Variants in CYYR1 observed in about 807,000 individuals in gnomAD.
The protein encoded by CYYR1 is cysteine and tyrosine-rich protein 1.
CYYR1 carries 14 observed loss-of-function variants against 15.2 expected under a neutral mutation model. The observed-to-expected ratio is 0.92, with a 90% CI of 0.61 to 1.44. The LOEUF (loss-of-function observed/expected upper bound fraction) is 1.44, where lower values mean the gene tolerates loss of function less well. Ranked by LOEUF, CYYR1 falls within the 40% of genes most tolerant of loss-of-function variation. The pLI, the probability that CYYR1 is intolerant of heterozygous loss-of-function variation, is 0.00. For missense variants in CYYR1, 228 were observed against 209.5 expected (o/e 1.09, Z -0.54); for synonymous variants, 80 against 77.4 (o/e 1.03, Z -0.18).
intron 3 of CYYR1, chr21:26,478,068 G>A (rs2123390528): frequency 6.5e-7 from 1 of 1,549,430 alleles, no homozygotes; most frequent in Middle Eastern, 1.7e-4. Context: ...ACCAGGCCTG[G>A]TCTTACATGC....
At chr21:26,564,778 T>C (rs1980490628) in intron 2 of CYYR1, 1 of 1,245,046 alleles carries the variant, frequency 8.0e-7, no homozygotes, top group South Asian at 1.4e-5. Context: ...TCAGTTTGAC[T>C]TCACATTCTC....
chr21:26,473,894 T>C (rs927899517), intron 3 of CYYR1, among the ~76,000 whole-genome samples: 6 of 152,200 alleles, frequency 3.9e-5, no homozygotes, highest in African/African-American at 1.4e-4. Flanking sequence ...TTCTTTTTCT[T>C]CCACATCCTA....
At chr21:26,558,270 G>A (rs1979941774) in intron 2 of CYYR1, among the ~76,000 whole-genome samples, 1 of 152,008 alleles carries the variant, frequency 6.6e-6, no homozygotes, top group Non-Finnish European at 1.5e-5. Context: ...AAACATATAA[G>A]AATCATAGAT....
At chr21:26,560,213 T>C (rs1381875936) in intron 2 of CYYR1, among the ~76,000 whole-genome samples, 1 of 152,246 alleles carries the variant, frequency 6.6e-6, no homozygotes, top group Admixed American at 6.5e-5. Flanking sequence ...TATTGTATTT[T>C]AGATTTATTT....
At chr21:26,533,995 G>A (rs1400136575) in intron 2 of CYYR1, among the ~76,000 whole-genome samples, 3 of 152,102 alleles carry the variant, frequency 2.0e-5, no homozygotes, top group African/African-American at 4.8e-5. Flanking sequence ...CACAGAAACA[G>A]AGCACCAAGC....
chr21:26,528,549 C>T (rs145241394), intron 2 of CYYR1, among the ~76,000 whole-genome samples: 9 of 152,266 alleles, frequency 5.9e-5, no homozygotes, highest in African/African-American at 2.2e-4. Flanking sequence ...CTTCCTGAGG[C>T]CCTCGTCAGA....
At chr21:26,567,173 C>A (rs1980689340) in intron 1 of CYYR1, among the ~76,000 whole-genome samples, 1 of 152,078 alleles carries the variant, frequency 6.6e-6, no homozygotes, top group South Asian at 2.1e-4. Flanking sequence ...CATTTGGTGA[C>A]TTTTTTTTAC....
At chr21:26,552,190 C>T (rs1979441804) in intron 2 of CYYR1, 1 of 152,156 alleles carries the variant, frequency 6.6e-6, no homozygotes, top group African/African-American at 2.4e-5. Context: ...GTATAAACAA[C>T]TTTATATGTA....
intron 2 of CYYR1, among the ~76,000 whole-genome samples, chr21:26,561,320 T>A (rs1980182452): frequency 6.6e-6 from 1 of 152,064 alleles, no homozygotes; most frequent in Non-Finnish European, 1.5e-5. Flanking sequence ...ATGGTTTTTT[T>A]TTTTTTTACT....
Position 26,538,059 on chromosome 21 carries a change from C to T in CYYR1, c.176+28207G>A, listed in dbSNP as rs567215333. Among the ~76,000 whole-genome samples the T allele has an allele frequency of 3.3e-5, 5 of 152,282 alleles. No individual in the cohort carries two copies. In the East Asian group the frequency reaches 7.7e-4, roughly 24 times the overall value. On this transcript the variant is annotated intron_variant, in intron 2 of 3. Transcript: ENST00000652641. ...GGACTAAGACAGTGAGCAAGAGTAG[C>T]GATCACCACGGAGATGAGCCTTCAT...
At chr21:26,572,695 G>A (rs1464242824) in intron 1 of CYYR1, among the ~76,000 whole-genome samples, 173 bp downstream of exon 1, 2 of 152,212 alleles carry the variant, frequency 1.3e-5, no homozygotes, top group Non-Finnish European at 2.9e-5. Context: ...ACAAAACCGC[G>A]TGCGGCTGGA....
chr21:26,549,244 T>G (rs1193694470), intron 2 of CYYR1, among the ~76,000 whole-genome samples: 1 of 152,152 alleles, frequency 6.6e-6, no homozygotes, highest in African/African-American at 2.4e-5. Context: ...ACAATAAATT[T>G]TGGGGTTCTG....
intron 2 of CYYR1, among the ~76,000 whole-genome samples, chr21:26,519,114 AT>A (rs1351523397): frequency 6.6e-6 from 1 of 152,234 alleles, no homozygotes; most frequent in Non-Finnish European, 1.5e-5. Context: ...CTATTCATTC[AT>A]TTGATTCAAC....
At position 26,566,341 on chromosome 21, in the gene CYYR1, T is replaced by A. The variant is rs144123365; in HGVS notation, c.101A>T (p.Asp34Val). The stretch of plus-strand genomic sequence containing the variant: ...TCCATCACAGCAGTAAGATTTGCAA[T>A]CTTTGCCACACTGAGCAAGGCAATC... ...ADDCLAQCGK[D>V]CKSYCCDGTT... Residue 34 changes from aspartate to valine, a missense_variant, in exon 2 of 4, where the codon GAT becomes GTT. Transcript: ENST00000652641. 7.3e-5 allele frequency: 117 copies of A among 1,613,706 alleles called. No individual in the cohort carries two copies. Among genetic ancestry groups the A allele is most frequent in the Non-Finnish European group, 9.7e-5 (114 of 1,179,816 alleles).
At chr21:26,550,409 T>C (rs189958192) in intron 2 of CYYR1, 1 of 152,142 alleles carries the variant, frequency 6.6e-6, no homozygotes, top group East Asian at 1.9e-4. Context: ...AAAGGAAGTG[T>C]AAAATGGTTT....
intron 2 of CYYR1, among the ~76,000 whole-genome samples, chr21:26,495,241 G>A (rs1477185991): frequency 6.6e-6 from 1 of 152,092 alleles, no homozygotes. Flanking sequence ...GGCAGAGAGC[G>A]GTAGATCTAA....
chr21:26,565,204 G>A (rs1430986348), intron 2 of CYYR1, among the ~76,000 whole-genome samples: 1 of 152,004 alleles, frequency 6.6e-6, no homozygotes, highest in Non-Finnish European at 1.5e-5. Context: ...TCTAATAGGA[G>A]CCTCAACACT....
At chr21:26,528,780 A>C (rs2065896004) in intron 2 of CYYR1, among the ~76,000 whole-genome samples, 1 of 152,216 alleles carries the variant, frequency 6.6e-6, no homozygotes, top group Non-Finnish European at 1.5e-5. Flanking sequence ...AAAGAGGAGC[A>C]ACTTCTTGAT....
At chr21:26,524,847 C>T (rs2065844107) in intron 2 of CYYR1, among the ~76,000 whole-genome samples, 1 of 152,150 alleles carries the variant, frequency 6.6e-6, no homozygotes, top group Non-Finnish European at 1.5e-5. Context: ...TAATATTCCC[C>T]TCTACAGCCT....
Sources: allele counts gnomAD v4.1 joint callset (sites outside exome capture counted in the v4.1 genomes callset), GRCh38; gene constraint gnomAD v4.1.1; transcripts MANE v1.5; gene names NCBI Gene and HGNC (gene_info 2026-07-23, HGNC 2026-07-21).